The following RUNX1 variants were observed in gnomAD, a reference collection of about 807,000 sequenced individuals.
RUNX1 encodes the protein RUNX family transcription factor 1, also known as runt-related transcription factor 1.
In RUNX1, 19 loss-of-function variants were observed where a neutral mutation model predicts 42.8. The observed-to-expected ratio is 0.44, with a 90% CI of 0.31 to 0.65. The LOEUF (loss-of-function observed/expected upper bound fraction) is 0.65. RUNX1 is among the 30% of genes least tolerant of loss of function. The probability of loss-of-function intolerance (pLI) is 0.07; values close to 1 mark genes in which losing one functional copy is unlikely to be tolerated. For missense variants in RUNX1, 528 were observed against 672.0 expected, an observed-to-expected ratio of 0.79 and a Z score of 2.37; for synonymous variants, 271 against 289.4, an observed-to-expected ratio of 0.94 and a Z score of 0.64.
chr21:34,829,171 T>C (rs1046373983), intron 7 of RUNX1, among the ~76,000 whole-genome samples: 2 of 152,226 alleles, frequency 1.3e-5, no homozygotes, highest in African/African-American at 2.4e-5. Context: ...TTAGCCACTA[T>C]GATCTGCTAT....
intron 7 of RUNX1, among the ~76,000 whole-genome samples, chr21:34,813,306 G>A (rs2056781837): frequency 6.6e-6 from 1 of 152,138 alleles, no homozygotes; most frequent in Non-Finnish European, 1.5e-5. Context: ...CTTGCTCAGG[G>A]AAAGCACACA....
At chr21:34,936,777 C>T (rs1425832751) in intron 2 of RUNX1, among the ~76,000 whole-genome samples, 6 of 152,166 alleles carry the variant, frequency 3.9e-5, no homozygotes, top group South Asian at 2.1e-4. Flanking sequence ...TTAAAGCTCT[C>T]GAAGCATTCG....
chr21:35,031,284 G>A (rs991176213), intron 2 of RUNX1, among the ~76,000 whole-genome samples: 15 of 152,196 alleles, frequency 9.9e-5, no homozygotes, highest in African/African-American at 2.9e-4. Flanking sequence ...AGAGGCAGAC[G>A]TTGCGGTGAG....
intron 3 of RUNX1, chr21:34,889,838 C>A: frequency 9.0e-7 from 1 of 1,110,242 alleles, no homozygotes; most frequent in South Asian, 2.9e-5. Context: ...CTCCCGTCAC[C>A]ATGAGTCCCT....
In RUNX1 at chr21:34,998,753, G is replaced by A. The variant is rs146699659; in HGVS notation, c.58+50089C>T. ...AGATGGGGTTTCACCGAGTTAGCCA[G>A]GATGGTCTCAGTCTCCTGACCTCGT... On this transcript the variant is annotated intron_variant, in intron 2 of 8. Transcript: ENST00000675419. 5.4e-3 allele frequency among the ~76,000 whole-genome samples: 818 copies of A among 152,238 alleles called. 4 individuals are homozygous for A. Among genetic ancestry groups the A allele is most frequent in the African/African-American group, 0.017 (726 of 41,540 alleles).
intron 7 of RUNX1, chr21:34,834,178 C>G: frequency 1.4e-6 from 1 of 700,552 alleles, no homozygotes; most frequent in Non-Finnish European, 2.6e-6. Flanking sequence ...CAGTGCTTTT[C>G]CTTGTGGGGA....
chr21:34,932,833 T>C (rs2058457974), intron 2 of RUNX1, among the ~76,000 whole-genome samples: 1 of 152,186 alleles, frequency 6.6e-6, no homozygotes, highest in Non-Finnish European at 1.5e-5. Flanking sequence ...GGAACCTCAT[T>C]ACCCCCGGCA....
At chr21:34,968,602 C>A (rs2146736891) in intron 2 of RUNX1, among the ~76,000 whole-genome samples, 1 of 152,234 alleles carries the variant, frequency 6.6e-6, no homozygotes, top group Admixed American at 6.5e-5. Flanking sequence ...ATTGTCTATA[C>A]TAATATCAGT....
intron 6 of RUNX1, among the ~76,000 whole-genome samples, chr21:34,849,417 T>G (rs553593162): frequency 0.021 from 945 of 45,512 alleles, 107 homozygotes; most frequent in African/African-American, 0.071. Context: ...ATATAATATA[T>G]TATATAGTAT....
chr21:34,890,133 G>A (rs979675669), intron 3 of RUNX1, among the ~76,000 whole-genome samples: 1 of 151,942 alleles, frequency 6.6e-6, no homozygotes, highest in South Asian at 2.1e-4. Context: ...GGGGTTGACT[G>A]GCGTGGAGGC....
chr21:34,822,978 A>G (rs2056930398), intron 7 of RUNX1, among the ~76,000 whole-genome samples: 1 of 152,230 alleles, frequency 6.6e-6, no homozygotes, highest in African/African-American at 2.4e-5. Flanking sequence ...GGACATATGT[A>G]GTCCTTCCAG....
chr21:35,010,675 G>A (rs955276965), intron 2 of RUNX1, among the ~76,000 whole-genome samples: 2 of 151,158 alleles, frequency 1.3e-5, no homozygotes, highest in Non-Finnish European at 2.9e-5. Flanking sequence ...TCCTACACAG[G>A]AAACTACCCC....
intron 2 of RUNX1, among the ~76,000 whole-genome samples, chr21:34,948,855 C>G (rs1021578520): frequency 2.0e-5 from 3 of 152,152 alleles, no homozygotes; most frequent in Non-Finnish European, 4.4e-5. Flanking sequence ...AAGCAATTCT[C>G]CTGCTTCAGC....
chr21:34,988,507 C>A (rs1390957898), intron 2 of RUNX1, among the ~76,000 whole-genome samples: 1 of 152,204 alleles, frequency 6.6e-6, no homozygotes, highest in Non-Finnish European at 1.5e-5. Context: ...CTTTCAAAAA[C>A]TGTGCTGTGG....
chr21:34,814,254 A>G (rs2056795258), intron 7 of RUNX1, among the ~76,000 whole-genome samples: 1 of 152,170 alleles, frequency 6.6e-6, no homozygotes, highest in African/African-American at 2.4e-5. Flanking sequence ...TAAATGTACA[A>G]ATAACCCAAA....
Position 34,821,615 on chromosome 21 carries a change from G to C in RUNX1, c.805+12795C>G, listed in dbSNP as rs1177106527. The C allele has an allele frequency of 4.5e-6, 7 of 1,554,566 alleles. No homozygotes were observed. The African/African-American group carries it at 9.5e-5, about 21-fold the overall frequency. Reference sequence around the variant, plus strand: ...TCTCTTCTGAGGATGAGATGGAAAAGATAGCTCTATCCTGGCTGGGGAGAG... The same window carrying C: ...TCTCTTCTGAGGATGAGATGGAAAACATAGCTCTATCCTGGCTGGGGAGAG... On this transcript the variant is annotated intron_variant, in intron 7 of 8. Coordinates refer to ENST00000675419, the MANE Select transcript of RUNX1 (RefSeq NM_001754.5).
intron 6 of RUNX1, among the ~76,000 whole-genome samples, chr21:34,854,756 G>A (rs1238496165): frequency 2.1e-5 from 3 of 144,356 alleles, no homozygotes; most frequent in African/African-American, 5.3e-5. Context: ...CCTCAAGGAC[G>A]GGCTGCCCAG....
Position 34,859,252 on chromosome 21 carries a change from C to T in RUNX1, c.613+222G>A, listed in dbSNP as rs1410330829. ...ACATATGATTCAGTCAGCCTAATTT[C>T]CTTTTGCCCTCTAAAAGGATGCTTC... On this transcript the variant is annotated intron_variant, in intron 6 of 8. Coordinates refer to ENST00000675419, the MANE Select transcript of RUNX1 (RefSeq NM_001754.5). 3 of 589,766 alleles carry T rather than the reference C, an allele frequency of 5.1e-6. No homozygotes were observed. In the African/African-American group the frequency reaches 5.6e-5, roughly 11 times the overall value. 36.5% of individuals were successfully genotyped at this position (589,766 alleles called of 1,614,324 possible). A position where few individuals can be genotyped will look rare whatever the true frequency, so the allele number is the denominator to read the frequency against.
intron 2 of RUNX1, among the ~76,000 whole-genome samples, chr21:34,956,310 T>C: frequency 6.6e-6 from 1 of 152,212 alleles, no homozygotes; most frequent in East Asian, 1.9e-4. Context: ...ATAGTTTTGG[T>C]TGGCAGAATT....
Sources: allele counts gnomAD v4.1 joint callset (sites outside exome capture counted in the v4.1 genomes callset), GRCh38; gene constraint gnomAD v4.1.1; transcripts MANE v1.5; gene names NCBI Gene and HGNC (gene_info 2026-07-23, HGNC 2026-07-21).